ABCA9: variants seen among roughly 807,000 people sequenced by gnomAD.
ABCA9 encodes the protein ATP binding cassette subfamily A member 9.
Under a neutral mutation model 205.3 loss-of-function variants are expected in ABCA9, and 183 were observed. That is an observed-to-expected ratio of 0.89 (90% confidence interval 0.79 to 1.01). The LOEUF (loss-of-function observed/expected upper bound fraction) is 1.01, where lower values mean the gene tolerates loss of function less well. Ranked by LOEUF, ABCA9 falls within the 50% of genes least tolerant of loss-of-function variation. The pLI is 0.00. For synonymous variants in ABCA9, 651 were observed against 683.3 expected, an observed-to-expected ratio of 0.95 and a Z score of 0.74; for missense variants, 1,805 against 1,912.4, an observed-to-expected ratio of 0.94 and a Z score of 1.05.
At chr17:69,002,103 T>C (rs1311028405) in intron 25 of ABCA9, among the ~76,000 whole-genome samples, 1 of 149,856 alleles carries the variant, frequency 6.7e-6, no homozygotes. Context: ...AGGGTTTTTT[T>C]GTGTCTCTAT....
At chr17:69,057,449 T>C (rs984228481) in intron 1 of ABCA9, among the ~76,000 whole-genome samples, 2 of 152,138 alleles carry the variant, frequency 1.3e-5, no homozygotes, top group Non-Finnish European at 2.9e-5. Flanking sequence ...GAGAGTGGCC[T>C]TTAGGCTTGC....
At chr17:68,976,050 T>C in intron 38 of ABCA9, 37 bp from the exon 39 acceptor site, 1 of 1,604,438 alleles carries the variant, frequency 6.2e-7, no homozygotes, top group Non-Finnish European at 8.5e-7. Flanking sequence ...AGGAGAACAA[T>C]GCCATACTGC....
chr17:68,979,769 A>C (rs370603010), intron 37 of ABCA9, among the ~76,000 whole-genome samples: 1 of 152,218 alleles, frequency 6.6e-6, no homozygotes, highest in Non-Finnish European at 1.5e-5. Flanking sequence ...CTTACACCTT[A>C]TACAAAAATT....
chr17:69,076,508 T>C, the ABCA9 span, among the ~76,000 whole-genome samples: 4 of 152,130 alleles, frequency 2.6e-5, no homozygotes, highest in Non-Finnish European at 5.9e-5. Flanking sequence ...GTTCTGGTAT[T>C]AGGGTGATGC....
chr17:69,068,582 G>C, the ABCA9 span, among the ~76,000 whole-genome samples: 1 of 152,168 alleles, frequency 6.6e-6, no homozygotes, highest in Non-Finnish European at 1.5e-5. Flanking sequence ...TTTTAAGGTG[G>C]TTTGGCAAAG....
chr17:68,982,727 A>T, intron 36 of ABCA9, 86 bp from the exon 37 acceptor site: 1 of 1,101,700 alleles, frequency 9.1e-7, no homozygotes, highest in Non-Finnish European at 1.4e-6. Context: ...AAACAAGGCT[A>T]GGCATGGTGG....
At chr17:69,055,444 T>C (rs912400627) in intron 1 of ABCA9, among the ~76,000 whole-genome samples, 1 of 152,140 alleles carries the variant, frequency 6.6e-6, no homozygotes, top group Non-Finnish European at 1.5e-5. Flanking sequence ...AGAAGTTACA[T>C]AAAGTTAAAG....
chr17:68,983,078 C>T (rs8066118), intron 36 of ABCA9, among the ~76,000 whole-genome samples: 27,639 of 152,106 alleles, frequency 0.18, 6,682 homozygotes, highest in African/African-American at 0.55. Context: ...CACATCTGTG[C>T]GGTGTTAGAG....
intron 2 of ABCA9, among the ~76,000 whole-genome samples, chr17:69,050,719 A>G (rs1240033057): frequency 6.6e-6 from 1 of 152,194 alleles, no homozygotes; most frequent in Non-Finnish European, 1.5e-5. Context: ...CATGAGATTC[A>G]AATGAGCTCA....
At chr17:69,041,201 T>A (rs2071521645) in intron 6 of ABCA9, among the ~76,000 whole-genome samples, 1 of 152,152 alleles carries the variant, frequency 6.6e-6, no homozygotes, top group Admixed American at 6.6e-5. Context: ...TTGTAATAAC[T>A]CCCTTTGCAC....
intron 23 of ABCA9, among the ~76,000 whole-genome samples, chr17:69,010,989 T>C (rs1016382682): frequency 3.3e-5 from 5 of 152,154 alleles, no homozygotes; most frequent in African/African-American, 1.2e-4. Flanking sequence ...ACTGTACATA[T>C]AGAAGTCAAG....
intron 3 of ABCA9, among the ~76,000 whole-genome samples, chr17:69,047,425 C>A (rs920192579): frequency 1.3e-5 from 2 of 151,344 alleles, no homozygotes; most frequent in Non-Finnish European, 2.9e-5. Flanking sequence ...CTGGGTGAAG[C>A]AGGAAATATA....
At chr17:69,066,699 C>T in the ABCA9 span, among the ~76,000 whole-genome samples, 1 of 152,010 alleles carries the variant, frequency 6.6e-6, no homozygotes, top group South Asian at 2.1e-4. Flanking sequence ...TAAAGATTTC[C>T]GTCCTCAGGG....
intron 6 of ABCA9, chr17:69,042,992 T>C (rs2071592810): frequency 6.4e-6 from 1 of 157,302 alleles, no homozygotes; most frequent in South Asian, 2.0e-4. Context: ...TATAATGAAA[T>C]AATTATACAA....
intron 18 of ABCA9, 61 bp downstream of exon 18, chr17:69,021,681 C>CTTCG: frequency 1.1e-6 from 1 of 901,884 alleles, no homozygotes; most frequent in Non-Finnish European, 1.6e-6. Context: ...TTCTTTCGTC[C>CTTCG]TTCCTTCCTT....
At chr17:68,991,440 A>G (rs1024706795) in intron 28 of ABCA9, among the ~76,000 whole-genome samples, 1 of 152,106 alleles carries the variant, frequency 6.6e-6, no homozygotes, top group Non-Finnish European at 1.5e-5. Context: ...CTTCTTGGGA[A>G]TGTGTGACAG....
At chr17:69,048,503 A>G (rs2071793834) in intron 3 of ABCA9, among the ~76,000 whole-genome samples, 1 of 152,146 alleles carries the variant, frequency 6.6e-6, no homozygotes, top group South Asian at 2.1e-4. Flanking sequence ...ATCTGGAATG[A>G]CAAGGTTCTT....
intron 37 of ABCA9, among the ~76,000 whole-genome samples, chr17:68,981,707 G>C (rs2069057485): frequency 6.6e-6 from 1 of 151,892 alleles, no homozygotes; most frequent in South Asian, 2.1e-4. Context: ...GGGTGTGCTG[G>C]TGTGTGCTAC....
chr17:68,990,766 A>G, intron 29 of ABCA9, 71 bp downstream of exon 29: 2 of 1,578,794 alleles, frequency 1.3e-6, no homozygotes, highest in Non-Finnish European at 1.7e-6. Flanking sequence ...TTCGAAAACT[A>G]AACTTAGAAA....
Sources: allele counts gnomAD v4.1 joint callset (sites outside exome capture counted in the v4.1 genomes callset), GRCh38; gene constraint gnomAD v4.1.1; transcripts MANE v1.5; gene names NCBI Gene and HGNC (gene_info 2026-07-23, HGNC 2026-07-21).